Variants in MYPN observed in about 807,000 individuals in gnomAD.
MYPN encodes the protein myopalladin.
In MYPN, 63 loss-of-function variants were observed where a neutral mutation model predicts 129.4. That is an observed-to-expected ratio of 0.49 (90% CI 0.40 to 0.60). The LOEUF (loss-of-function observed/expected upper bound fraction) is 0.60, where lower values mean the gene tolerates loss of function less well. Among genes scored for constraint, MYPN ranks in the 20% least tolerant of loss-of-function variants. MYPN has a pLI of 0.00. For missense variants in MYPN, 1,596 were observed against 1,635.4 expected (o/e 0.98, Z 0.42); for synonymous variants, 629 against 600.9 (o/e 1.05, Z -0.68).
At chr10:68,122,462 G>A (rs1014589233) in intron 2 of MYPN, 122 bp downstream of exon 2, 14 of 990,524 alleles carry the variant, frequency 1.4e-5, no homozygotes, top group East Asian at 5.0e-5. Context: ...AAAAGTAGTC[G>A]GTATCTAAAG....
chr10:68,187,809 T>C (rs556710960), intron 12 of MYPN, among the ~76,000 whole-genome samples: 5 of 152,284 alleles, frequency 3.3e-5, no homozygotes, highest in South Asian at 4.1e-4. Context: ...AAGACCAGTA[T>C]GGTGTGTCAC....
In MYPN at chr10:68,175,633, C is replaced by A. The variant is rs17458319; in HGVS notation, c.2703+172C>A. On this transcript the variant is annotated intron_variant, in intron 12 of 19. Transcript: ENST00000358913. ...TGAGAAACCTGCCTGTGTGGATCTG[C>A]GGTTCGTAATTCTCCCAGTAGTTAA... 0.026 allele frequency among the ~76,000 whole-genome samples: 3,829 copies of A among 148,774 alleles called. 95 individuals are homozygous for A. Among genetic ancestry groups the A allele is most frequent in the Middle Eastern group, 0.039 (11 of 284 alleles).
chr10:68,173,971 A>T (rs1057140923), intron 10 of MYPN, 95 bp from the exon 11 acceptor site: 41 of 1,080,486 alleles, frequency 3.8e-5, no homozygotes, highest in Admixed American at 3.6e-4. Flanking sequence ...CCCGCCTATC[A>T]TCAAGTTATA....
chr10:68,183,382 C>T (rs564447541), intron 12 of MYPN, among the ~76,000 whole-genome samples: 7 of 151,958 alleles, frequency 4.6e-5, no homozygotes, highest in African/African-American at 9.7e-5. Context: ...AGATGGCTTG[C>T]GCCCAGGAGG....
At chr10:68,130,735 T>G (rs1564652474) in intron 2 of MYPN, among the ~76,000 whole-genome samples, 2 of 152,214 alleles carry the variant, frequency 1.3e-5, no homozygotes, top group Non-Finnish European at 2.9e-5. Context: ...TTCTTGTATT[T>G]TGTCTTCTAA....
intron 12 of MYPN, among the ~76,000 whole-genome samples, chr10:68,180,451 G>T (rs1474206662): frequency 6.6e-6 from 1 of 152,222 alleles, no homozygotes; most frequent in East Asian, 1.9e-4. Context: ...CTCCCAAAGT[G>T]CTAGGATTAC....
At chr10:68,113,375 C>T (rs1246926895) in intron 1 of MYPN, among the ~76,000 whole-genome samples, 1 of 152,142 alleles carries the variant, frequency 6.6e-6, no homozygotes, top group Admixed American at 6.5e-5. Flanking sequence ...GTGCTTCCCA[C>T]ATTATAAGGA....
At chr10:68,116,056 A>G (rs1329257332) in intron 1 of MYPN, among the ~76,000 whole-genome samples, 1 of 152,036 alleles carries the variant, frequency 6.6e-6, no homozygotes, top group Non-Finnish European at 1.5e-5. Flanking sequence ...TATTTTCCCT[A>G]CTAGAATGTC....
chr10:68,101,807 T>G (rs2041983171), upstream of MYPN, among the ~76,000 whole-genome samples: 1 of 152,172 alleles, frequency 6.6e-6, no homozygotes, highest in African/African-American at 2.4e-5. Context: ...TTTCTGTTCC[T>G]GATTTCAATT....
chr10:68,093,893 A>G (rs966604101), intron 1 of MYPN, among the ~76,000 whole-genome samples: 1 of 152,150 alleles, frequency 6.6e-6, no homozygotes, highest in Non-Finnish European at 1.5e-5. Context: ...CGAGTTTTCC[A>G]GGAAAGGGGT....
rs1488376833 is a variant in MYPN, at chr10:68,210,979, TA to T, written c.*525del. ...CACTTAGCATTAGGAGGTCATGCCA[TA>T]CAACTCACGTATGCGGGCAAACACT... On this transcript the variant is annotated 3_prime_UTR_variant, in exon 20 of 20. Transcript: ENST00000358913. 2.2e-6 allele frequency: 1 copy of T among 454,136 alleles called. No individual in the cohort carries two copies. Among genetic ancestry groups the T allele is most frequent in the Non-Finnish European group, 4.4e-6 (1 of 226,850 alleles). The allele number at this position is 454,136 out of a possible 1,614,324, so 28.1% of individuals were successfully genotyped here.
rs144488384 is a variant in MYPN at position 68,199,499 on chromosome 10, C to T, written c.3417C>T (p.Arg1139=). 2.6e-4 allele frequency: 413 copies of T among 1,614,112 alleles called. 5 individuals are homozygous for T. In the East Asian group the frequency reaches 6.4e-3, roughly 25 times the overall value. ...HSLLIDPLTQ[R]DAGTYKCIAT... is the part of the protein sequence containing the mutation. ...TGCTCATTGACCCACTCACTCAGCG[C>T]GACGCAGGGACCTATAAGTGCATCG... Residue 1139 remains arginine (R), a synonymous_variant, in exon 17 of 20, where the codon CGC becomes CGT. Coordinates refer to ENST00000358913, the MANE Select transcript of MYPN (RefSeq NM_032578.4).
chr10:68,097,829 A>C (rs1247476629), intron 1 of MYPN, among the ~76,000 whole-genome samples: 1 of 152,022 alleles, frequency 6.6e-6, no homozygotes, highest in African/African-American at 2.4e-5. Flanking sequence ...TCAATTTCCA[A>C]ATTTTAAAAT....
chr10:68,125,891 G>A (rs777305749), intron 2 of MYPN, among the ~76,000 whole-genome samples: 14 of 152,146 alleles, frequency 9.2e-5, no homozygotes, highest in Middle Eastern at 3.2e-3. Context: ...CTTCTGAGAG[G>A]GTGGCTCACA....
At chr10:68,139,425 G>T (rs2042539045) in intron 2 of MYPN, among the ~76,000 whole-genome samples, 1 of 152,100 alleles carries the variant, frequency 6.6e-6, no homozygotes, top group African/African-American at 2.4e-5. Flanking sequence ...TCTTAGACCT[G>T]CTATTGTCTC....
chr10:68,173,574 T>TTTTTTTTATTTA (rs386371696), intron 10 of MYPN, among the ~76,000 whole-genome samples: 2 of 140,754 alleles, frequency 1.4e-5, no homozygotes, highest in Non-Finnish European at 3.1e-5. Flanking sequence ...CATCAAGTTA[T>TTTTTTTTATTTA]TTTATTTATT....
At chr10:68,186,089 A>G (rs7087540) in intron 12 of MYPN, among the ~76,000 whole-genome samples, 5,184 of 152,318 alleles carry the variant, frequency 0.034, 296 homozygotes, top group African/African-American at 0.12. Flanking sequence ...TAATCTTAAT[A>G]TATTTCAACT....
chr10:68,186,209 G>A (rs1465027622), intron 12 of MYPN, among the ~76,000 whole-genome samples: 1 of 152,130 alleles, frequency 6.6e-6, no homozygotes, highest in African/African-American at 2.4e-5. Flanking sequence ...CACCCTATAA[G>A]AACTGTGTAC....
chr10:68,113,860 TCCATAGC>T, intron 1 of MYPN, among the ~76,000 whole-genome samples: 1 of 152,298 alleles, frequency 6.6e-6, no homozygotes, highest in East Asian at 1.9e-4. Context: ...AATTAATATA[TCCATAGC>T]CTCACATACT....
Sources: allele counts gnomAD v4.1 joint callset (sites outside exome capture counted in the v4.1 genomes callset), GRCh38; gene constraint gnomAD v4.1.1; transcripts MANE v1.5; gene names NCBI Gene and HGNC (gene_info 2026-07-23, HGNC 2026-07-21).